SHROOM3: variants seen among roughly 807,000 people sequenced by gnomAD.
The protein encoded by SHROOM3 is shroom family member 3.
Under a neutral mutation model 138.6 loss-of-function variants are expected in SHROOM3, and 47 were observed. The ratio of observed to expected loss-of-function variants is 0.34; its 90% CI spans 0.27 to 0.43. The LOEUF is 0.43. Among genes scored for constraint, SHROOM3 ranks in the 20% least tolerant of loss-of-function variants. The pLI is 1.00. For synonymous variants in SHROOM3, 1,062 were observed against 1,063.3 expected, an observed-to-expected ratio of 1.00 and a Z score of 0.02; for missense variants, 2,491 against 2,596.5, an observed-to-expected ratio of 0.96 and a Z score of 0.88.
intron 2 of SHROOM3, among the ~76,000 whole-genome samples, chr4:76,612,143 T>C (rs1013396625): frequency 1.3e-5 from 2 of 152,156 alleles, no homozygotes; most frequent in Non-Finnish European, 2.9e-5. Context: ...GGAGGTATAT[T>C]TTTCCATCCA....
chr4:76,597,162 C>A (rs1309153306), intron 2 of SHROOM3, among the ~76,000 whole-genome samples: 1 of 152,206 alleles, frequency 6.6e-6, no homozygotes, highest in Non-Finnish European at 1.5e-5. Context: ...GTACATGTTT[C>A]ATAAATAAAA....
At chr4:76,563,446 C>T (rs763624414) in intron 2 of SHROOM3, among the ~76,000 whole-genome samples, 1 of 152,120 alleles carries the variant, frequency 6.6e-6, no homozygotes, top group Non-Finnish European at 1.5e-5. Context: ...AACTTTGAAC[C>T]ATGTTGAAGC....
At position 76,436,168 on chromosome 4, in the gene SHROOM3, G is replaced by A. The variant is rs2109960871; in HGVS notation, c.116G>A (p.Gly39Asp). The part of the protein sequence containing the change: ...EAFLEGGAPW[G>D]FTLKGGLEHG... The stretch of plus-strand genomic sequence containing the variant: ...TTCCTGGAGGGAGGAGCTCCCTGGG[G>A]TTTTACTCTAAAGGGTGGCCTGGAG... Residue 39 changes from glycine (G) to aspartate (D), a missense_variant, in exon 1 of 11, where the codon GGT becomes GAT. Physicochemically the swap from Gly to Asp is moderately conservative, Grantham distance 94. Around this residue, in one of 4 missense-constraint regions of SHROOM3, gnomAD observed 284 missense variants for 322.8 expected, o/e 0.88. Transcript: ENST00000296043. 1.2e-6 allele frequency: 2 copies of A among 1,614,060 alleles called. No homozygotes were observed. The highest frequency in any genetic ancestry group is 1.3e-5 in the African/African-American group (1 of 75,034).
intron 2 of SHROOM3, among the ~76,000 whole-genome samples, chr4:76,592,907 C>G (rs900950513): frequency 1.3e-5 from 2 of 152,140 alleles, no homozygotes; most frequent in African/African-American, 4.8e-5. Context: ...AGTCCAGAAG[C>G]AAGATTACCT....
intron 2 of SHROOM3, among the ~76,000 whole-genome samples, chr4:76,574,433 T>C (rs974811971): frequency 2.6e-5 from 4 of 152,138 alleles, no homozygotes; most frequent in African/African-American, 9.7e-5. Context: ...ATTTACCAAG[T>C]CTTCCCCATG....
chr4:76,777,817 C>A (rs1722617755), intron 10 of SHROOM3, among the ~76,000 whole-genome samples: 1 of 151,974 alleles, frequency 6.6e-6, no homozygotes, highest in African/African-American at 2.4e-5. Context: ...GGAGAGAAAA[C>A]CACATTAAAG....
intron 9 of SHROOM3, among the ~76,000 whole-genome samples, chr4:76,769,110 T>TTG (rs558184730): frequency 6.6e-6 from 1 of 151,694 alleles, no homozygotes; most frequent in African/African-American, 2.4e-5. Flanking sequence ...TTTCCTTTTT[T>TTG]TGTGTGTGTG....
chr4:76,571,245 G>A (rs748059567), intron 2 of SHROOM3, among the ~76,000 whole-genome samples: 8 of 152,218 alleles, frequency 5.3e-5, no homozygotes, highest in Non-Finnish European at 1.0e-4. Context: ...TGTTAAGTGT[G>A]AATTTAAACT....
chr4:76,710,368 C>T (rs770507543), intron 3 of SHROOM3, 81 bp downstream of exon 3: 37 of 1,552,274 alleles, frequency 2.4e-5, no homozygotes, highest in South Asian at 2.2e-4. Context: ...GGAGAGGAGT[C>T]GGGGGCAAGG....
rs145289933 is a variant in SHROOM3 at position 76,604,658 on chromosome 4, G to A, written c.323+48895G>A. Among the ~76,000 whole-genome samples, 571 of 152,280 alleles carry A rather than the reference G, an allele frequency of 3.7e-3. 6 individuals carry two copies. Among genetic ancestry groups the A allele is most frequent in the African/African-American group, 0.013 (553 of 41,560 alleles). On this transcript the variant is annotated intron_variant, in intron 2 of 10. Coordinates refer to ENST00000296043, the MANE Select transcript of SHROOM3 (RefSeq NM_020859.4). Reference sequence around the variant, plus strand: ...TAGAAATCATTGTTTTTTAAGCATTGATGTTGATAATTGTTAGACAATGTC... The same window carrying A: ...TAGAAATCATTGTTTTTTAAGCATTAATGTTGATAATTGTTAGACAATGTC...
At chr4:76,642,284 A>G (rs10011105) in intron 2 of SHROOM3, among the ~76,000 whole-genome samples, 51,846 of 152,020 alleles carry the variant, frequency 0.34, 9,130 homozygotes, top group East Asian at 0.51. Flanking sequence ...ATAAATGCTT[A>G]TTGAATATAC....
chr4:76,736,772 T>C (rs1275445887), intron 4 of SHROOM3, among the ~76,000 whole-genome samples: 1 of 150,142 alleles, frequency 6.7e-6, no homozygotes, highest in African/African-American at 2.5e-5. Context: ...ACAGACATTT[T>C]TTAGAGCAGT....
In SHROOM3 at chr4:76,763,374, G is replaced by A. The variant is rs185535504; in HGVS notation, c.5349+3679G>A. Among the ~76,000 whole-genome samples, 886 of 151,484 alleles carry A rather than the reference G, an allele frequency of 5.8e-3. 9 individuals carry two copies. The highest frequency in any genetic ancestry group is 0.02 in the African/African-American group (805 of 41,252). Reference sequence around the variant, plus strand: ...TGCACTCCAGACTGGGCGACAGAGCGAGACTCCATCTCAAAAAAAAAAAAA... The same window carrying A: ...TGCACTCCAGACTGGGCGACAGAGCAAGACTCCATCTCAAAAAAAAAAAAA... On this transcript the variant is annotated intron_variant, in intron 9 of 10. Coordinates refer to ENST00000296043, the MANE Select transcript of SHROOM3 (RefSeq NM_020859.4).
chr4:76,528,511 T>G (rs1404882093), intron 1 of SHROOM3, among the ~76,000 whole-genome samples: 3 of 150,648 alleles, frequency 2.0e-5, no homozygotes, highest in African/African-American at 7.3e-5. Flanking sequence ...AAATTCTTAG[T>G]CAATATAGGA....
At position 76,544,637 on chromosome 4, in the gene SHROOM3, T is replaced by C. The variant is rs893069265; in HGVS notation, c.169-10972T>C. ...GTGTTGAACTTCTGGCCTAAAGTGA[T>C]CTGCCCACCTCAGCCTCCCAAAGTG... On this transcript the variant is annotated intron_variant, in intron 1 of 10. Coordinates refer to ENST00000296043, the MANE Select transcript of SHROOM3 (RefSeq NM_020859.4). Among the ~76,000 whole-genome samples, 32 of 152,180 alleles carry C rather than the reference T, an allele frequency of 2.1e-4. 2 individuals are homozygous for C. The highest frequency in any genetic ancestry group is 2.4e-5 in the African/African-American group (1 of 41,452).
intron 2 of SHROOM3, among the ~76,000 whole-genome samples, chr4:76,707,406 A>T (rs963804696): frequency 6.6e-6 from 1 of 152,222 alleles, no homozygotes; most frequent in Admixed American, 6.5e-5. Context: ...TCTCTCCTTC[A>T]TAAAAAAGTT....
chr4:76,710,723 C>T (rs1720204815), intron 3 of SHROOM3, among the ~76,000 whole-genome samples: 1 of 152,062 alleles, frequency 6.6e-6, no homozygotes, highest in African/African-American at 2.4e-5. Flanking sequence ...AGGAATGTCC[C>T]AAGATTCCAA....
chr4:76,642,516 A>G (rs1007775851), intron 2 of SHROOM3, among the ~76,000 whole-genome samples: 5 of 152,164 alleles, frequency 3.3e-5, no homozygotes, highest in African/African-American at 9.7e-5. Flanking sequence ...CACTGGAGGC[A>G]AAGGCTCAGG....
At chr4:76,754,161 C>A in intron 6 of SHROOM3, 150 bp from the exon 7 acceptor site, 2 of 982,390 alleles carry the variant, frequency 2.0e-6, no homozygotes, top group Non-Finnish European at 3.2e-6. Context: ...TTCCTGTGAG[C>A]AGCCAGGGAA....
Sources: allele counts gnomAD v4.1 joint callset (sites outside exome capture counted in the v4.1 genomes callset), GRCh38; gene constraint gnomAD v4.1.1; regional missense constraint gnomAD v4.1.1; transcripts MANE v1.5; gene names NCBI Gene and HGNC (gene_info 2026-07-23, HGNC 2026-07-21).